Variants in SMYD3 observed in about 807,000 individuals in gnomAD.
SMYD3 encodes SET and MYND domain containing 3, also known as histone-lysine N-methyltransferase SMYD3.
Under a neutral mutation model 57.7 loss-of-function variants are expected in SMYD3, and 36 were observed. That is an observed-to-expected ratio of 0.62 (90% confidence interval 0.48 to 0.82). SMYD3 has a LOEUF of 0.82. Among genes scored for constraint, SMYD3 ranks in the 40% least tolerant of loss-of-function variants. SMYD3 has a pLI of 0.00. For missense variants in SMYD3, 515 were observed against 538.8 expected, an observed-to-expected ratio of 0.96 and a Z score of 0.44; for synonymous variants, 211 against 195.0, an observed-to-expected ratio of 1.08 and a Z score of -0.68.
chr1:246,223,737 C>T (rs1040672568), intron 5 of SMYD3, among the ~76,000 whole-genome samples: 1 of 152,082 alleles, frequency 6.6e-6, no homozygotes, highest in African/African-American at 2.4e-5. Context: ...TACCCCTTCT[C>T]TGTTTTCCTC....
At chr1:246,160,158 G>A (rs967950910) in intron 5 of SMYD3, among the ~76,000 whole-genome samples, 1 of 152,084 alleles carries the variant, frequency 6.6e-6, no homozygotes, top group Non-Finnish European at 1.5e-5. Context: ...CTCTGAGTAT[G>A]AGCTGACAGA....
intron 5 of SMYD3, among the ~76,000 whole-genome samples, chr1:246,210,876 G>A (rs999166721): frequency 1.3e-5 from 2 of 152,104 alleles, no homozygotes; most frequent in Admixed American, 6.5e-5. Context: ...GAAATGCAGG[G>A]CTTCAATTCT....
intron 1 of SMYD3, among the ~76,000 whole-genome samples, chr1:246,470,608 A>G (rs897442597): frequency 2.7e-5 from 4 of 150,650 alleles, no homozygotes; most frequent in African/African-American, 7.3e-5. Context: ...GTATATATAC[A>G]CACACTATAT....
At chr1:245,880,968 C>A (rs1311205763) in intron 8 of SMYD3, among the ~76,000 whole-genome samples, 1 of 151,794 alleles carries the variant, frequency 6.6e-6, no homozygotes, top group Non-Finnish European at 1.5e-5. Flanking sequence ...TACGGATACC[C>A]ACCCAGGGCA....
intron 5 of SMYD3, among the ~76,000 whole-genome samples, chr1:246,009,229 G>A (rs944265850): frequency 1.3e-5 from 2 of 152,168 alleles, no homozygotes; most frequent in East Asian, 1.9e-4. Flanking sequence ...CTGTAGGAGC[G>A]AAGTCAGCAA....
intron 8 of SMYD3, among the ~76,000 whole-genome samples, chr1:245,906,988 A>T (rs2054608849): frequency 1.3e-5 from 2 of 152,214 alleles, no homozygotes; most frequent in Admixed American, 1.3e-4. Context: ...ACATGTTCTT[A>T]CTTATTTGTG....
At chr1:246,070,440 C>G (rs566487622) in intron 5 of SMYD3, among the ~76,000 whole-genome samples, 1 of 152,174 alleles carries the variant, frequency 6.6e-6, no homozygotes, top group Non-Finnish European at 1.5e-5. Flanking sequence ...CAAAATAATG[C>G]GCTTTTAGTT....
chr1:245,910,224 A>C (rs1476034465), intron 8 of SMYD3, among the ~76,000 whole-genome samples: 5 of 152,162 alleles, frequency 3.3e-5, no homozygotes, highest in Non-Finnish European at 5.9e-5. Context: ...AAAATAGCAT[A>C]AACACCTAGG....
At chr1:246,291,131 T>C (rs2064681393) in intron 5 of SMYD3, among the ~76,000 whole-genome samples, 2 of 152,350 alleles carry the variant, frequency 1.3e-5, no homozygotes, top group East Asian at 3.9e-4. Flanking sequence ...AGAATACTGA[T>C]GACTAGATGG....
chr1:246,363,179 C>G (rs1232296960), intron 1 of SMYD3, among the ~76,000 whole-genome samples: 1 of 146,670 alleles, frequency 6.8e-6, no homozygotes, highest in South Asian at 2.2e-4. Context: ...GGAGCCCCTC[C>G]GCCCGGCAGC....
Position 246,346,411 on chromosome 1 carries a change from A to G in SMYD3, c.228+8620T>C, listed in dbSNP as rs143421004. 5.3e-3 allele frequency among the ~76,000 whole-genome samples: 815 copies of G among 152,344 alleles called. 6 individuals carry two copies. The highest frequency in any genetic ancestry group is 9.4e-3 in the Non-Finnish European group (642 of 68,026). On this transcript the variant is annotated intron_variant, in intron 2 of 11. Coordinates refer to ENST00000490107, the MANE Select transcript of SMYD3 (RefSeq NM_001167740.2). ...CACGTCTAGCTATCAAGAAAAAACT[A>G]TAAGACATACTGTATTAGTACATTC...
chr1:245,921,958 G>T (rs1182626266), intron 7 of SMYD3, among the ~76,000 whole-genome samples: 1 of 152,072 alleles, frequency 6.6e-6, no homozygotes, highest in African/African-American at 2.4e-5. Flanking sequence ...CAACACAGCT[G>T]CACATGTGCC....
At chr1:245,780,523 G>C (rs1399444010) in intron 10 of SMYD3, among the ~76,000 whole-genome samples, 1 of 152,016 alleles carries the variant, frequency 6.6e-6, no homozygotes, top group Admixed American at 6.5e-5. Context: ...AGTTTCCATG[G>C]GATGTGGCCA....
intron 5 of SMYD3, among the ~76,000 whole-genome samples, chr1:246,164,593 G>T (rs2062174755): frequency 6.6e-6 from 1 of 152,216 alleles, no homozygotes; most frequent in Non-Finnish European, 1.5e-5. Context: ...GGGCATGTGA[G>T]TAACCAAGGA....
intron 8 of SMYD3, among the ~76,000 whole-genome samples, chr1:245,891,919 G>A (rs1391538298): frequency 2.6e-5 from 4 of 152,098 alleles, no homozygotes; most frequent in Non-Finnish European, 4.4e-5. Flanking sequence ...GGTGGCACAC[G>A]CCTGTAGCCC....
Position 246,072,096 on chromosome 1 carries a change from CGCTGTGCTCACTGTGGATGCATCG to C in SMYD3, c.532-142183_532-142160del. 8.5e-5 allele frequency among the ~76,000 whole-genome samples: 7 copies of C among 82,716 alleles called. 1 individual carries two copies. Among genetic ancestry groups the C allele is most frequent in the African/African-American group, 4.9e-4 (7 of 14,302 alleles). 54.3% of individuals were successfully genotyped at this position (82,716 alleles called of 152,430 possible). ...TCTGGGGAGGGATTCGTGTGCTTTC[CGCTGTGCTCACTGTGGATGCATCG>C]TGTTAGTTCTGGGGAGGGATTCGTG... On this transcript the variant is annotated intron_variant, in intron 5 of 11. Coordinates refer to ENST00000490107, the MANE Select transcript of SMYD3 (RefSeq NM_001167740.2).
intron 5 of SMYD3, among the ~76,000 whole-genome samples, chr1:246,137,879 T>A (rs1162850201): frequency 6.6e-6 from 1 of 152,200 alleles, no homozygotes. Flanking sequence ...AATGGCTCTT[T>A]GGTATTTGGG....
intron 5 of SMYD3, among the ~76,000 whole-genome samples, chr1:246,179,458 T>C (rs1309329589): frequency 1.3e-5 from 2 of 152,204 alleles, no homozygotes; most frequent in African/African-American, 4.8e-5. Flanking sequence ...TTCTATTTTC[T>C]CAGATTGCCC....
At chr1:246,107,051 G>C (rs1448834562) in intron 5 of SMYD3, among the ~76,000 whole-genome samples, 1 of 151,232 alleles carries the variant, frequency 6.6e-6, no homozygotes, top group Non-Finnish European at 1.5e-5. Context: ...TGTAATCCCA[G>C]CACTTTGGGA....
Sources: allele counts gnomAD v4.1 joint callset (sites outside exome capture counted in the v4.1 genomes callset), GRCh38; gene constraint gnomAD v4.1.1; transcripts MANE v1.5; gene names NCBI Gene and HGNC (gene_info 2026-07-23, HGNC 2026-07-21).